CNTNAP2: variants seen among roughly 807,000 people sequenced by gnomAD.
CNTNAP2 encodes the protein contactin-associated protein-like 2.
In CNTNAP2, 98 loss-of-function variants were observed where a neutral mutation model predicts 155.2. That is an observed-to-expected ratio of 0.63 (90% CI 0.54 to 0.75). The LOEUF is 0.75. Among genes scored for constraint, CNTNAP2 ranks in the 30% least tolerant of loss-of-function variants. CNTNAP2 has a pLI of 0.00. For synonymous variants in CNTNAP2, 651 were observed against 631.2 expected (o/e 1.03, Z -0.47); for missense variants, 1,727 against 1,688.1 (o/e 1.02, Z -0.40).
intron 20 of CNTNAP2, among the ~76,000 whole-genome samples, chr7:148,250,460 G>C (rs1176018008): frequency 6.6e-6 from 1 of 152,162 alleles, no homozygotes; most frequent in Non-Finnish European, 1.5e-5. Flanking sequence ...GCACCTTATG[G>C]GCACTTGACA....
intron 16 of CNTNAP2, among the ~76,000 whole-genome samples, chr7:148,136,041 GAGGGAGGGGA>G (rs1804940669): frequency 1.2e-5 from 1 of 80,772 alleles, no homozygotes; most frequent in African/African-American, 5.8e-5. Context: ...GGGAGGGAGG[GAGGGAGGGGA>G]AGGGAAGGGA....
At chr7:146,879,657 C>T (rs965810007) in intron 3 of CNTNAP2, among the ~76,000 whole-genome samples, 1 of 151,990 alleles carries the variant, frequency 6.6e-6, no homozygotes, top group African/African-American at 2.4e-5. Context: ...GGTCCAGAAC[C>T]TGGCAGGGAC....
intron 1 of CNTNAP2, among the ~76,000 whole-genome samples, chr7:146,475,940 G>T (rs1201078946): frequency 6.6e-6 from 1 of 151,986 alleles, no homozygotes; most frequent in Admixed American, 6.6e-5. Flanking sequence ...TTTTATGTTG[G>T]GAAATTAAAA....
At chr7:146,557,617 G>A (rs1481149716) in intron 1 of CNTNAP2, among the ~76,000 whole-genome samples, 1 of 151,322 alleles carries the variant, frequency 6.6e-6, no homozygotes, top group Non-Finnish European at 1.5e-5. Context: ...ATTTCCATTG[G>A]CTCAAATCAG....
intron 11 of CNTNAP2, among the ~76,000 whole-genome samples, chr7:147,503,783 T>A (rs1030512063): frequency 6.6e-6 from 1 of 152,142 alleles, no homozygotes; most frequent in African/African-American, 2.4e-5. Flanking sequence ...TACCCACAGT[T>A]TTTTCTCCCA....
chr7:146,502,591 G>C (rs1337339538), intron 1 of CNTNAP2, among the ~76,000 whole-genome samples: 1 of 151,926 alleles, frequency 6.6e-6, no homozygotes, highest in Non-Finnish European at 1.5e-5. Flanking sequence ...TAAGTGGAGT[G>C]AGATGATATT....
intron 9 of CNTNAP2, among the ~76,000 whole-genome samples, chr7:147,317,431 C>A (rs895150618): frequency 1.3e-5 from 2 of 152,242 alleles, no homozygotes; most frequent in Non-Finnish European, 2.9e-5. Context: ...ACACATCATT[C>A]ATCCTCACCC....
chr7:147,611,079 T>C (rs1265270320), intron 12 of CNTNAP2, among the ~76,000 whole-genome samples: 2 of 127,466 alleles, frequency 1.6e-5, no homozygotes, highest in Admixed American at 1.7e-4. Context: ...CAGTGTGGTG[T>C]AGTAGATATT....
At chr7:147,307,590 GC>G (rs5888248) in intron 9 of CNTNAP2, among the ~76,000 whole-genome samples, 5 of 151,720 alleles carry the variant, frequency 3.3e-5, no homozygotes, top group Middle Eastern at 3.2e-3. Context: ...TACCCCACCT[GC>G]CCCCCCAAAA....
intron 17 of CNTNAP2, among the ~76,000 whole-genome samples, chr7:148,148,084 A>G (rs1022341435): frequency 2.7e-5 from 4 of 147,064 alleles, no homozygotes; most frequent in Non-Finnish European, 6.0e-5. Context: ...GGAAGGAAGG[A>G]AGGGAGAGAG....
intron 11 of CNTNAP2, among the ~76,000 whole-genome samples, chr7:147,538,542 C>T (rs750883271): frequency 5.9e-5 from 9 of 151,882 alleles, no homozygotes; most frequent in African/African-American, 1.2e-4. Flanking sequence ...CCCAACTACT[C>T]GGGAGGCTGA....
intron 4 of CNTNAP2, among the ~76,000 whole-genome samples, chr7:147,057,037 C>T (rs530403905): frequency 1.3e-5 from 2 of 152,080 alleles, no homozygotes; most frequent in African/African-American, 4.8e-5. Context: ...TGGGCTTAAG[C>T]AATCCTTCTA....
At chr7:146,208,057 C>T (rs551518350) in intron 1 of CNTNAP2, among the ~76,000 whole-genome samples, 1 of 151,924 alleles carries the variant, frequency 6.6e-6, no homozygotes, top group Non-Finnish European at 1.5e-5. Flanking sequence ...TCAGTAAATA[C>T]ATAAGTAGGA....
At chr7:146,416,906 A>G (rs1210211109) in intron 1 of CNTNAP2, among the ~76,000 whole-genome samples, 6 of 152,150 alleles carry the variant, frequency 3.9e-5, no homozygotes, top group Admixed American at 3.3e-4. Context: ...CAATACAATA[A>G]TGTGCAACTC....
At chr7:146,532,454 T>C (rs1027209450) in intron 1 of CNTNAP2, among the ~76,000 whole-genome samples, 4 of 152,176 alleles carry the variant, frequency 2.6e-5, no homozygotes, top group Non-Finnish European at 4.4e-5. Context: ...TTTTTTTCTT[T>C]CCTTCCCACT....
In CNTNAP2 at chr7:146,550,407, T is replaced by TG. The variant is rs1798099328; in HGVS notation, c.98-223864_98-223863insG. Among the ~76,000 whole-genome samples, 6 of 107,026 alleles carry TG rather than the reference T, an allele frequency of 5.6e-5. No individual in the cohort carries two copies. The South Asian group carries it at 2.0e-3, about 35-fold the overall frequency. 70.2% of individuals were successfully genotyped at this position (107,026 alleles called of 152,430 possible). A position where few individuals can be genotyped will look rare whatever the true frequency, so the allele number is the denominator to read the frequency against. On this transcript the variant is annotated intron_variant, in intron 1 of 23. Coordinates refer to ENST00000361727, the MANE Select transcript of CNTNAP2 (RefSeq NM_014141.6). Reference sequence around the variant, plus strand: ...CAGTGAGGTCCATTAATCTGTTTTTTTTTTTTTTTTTTTTTTTTTTTTATA... The same window carrying TG: ...CAGTGAGGTCCATTAATCTGTTTTTTGTTTTTTTTTTTTTTTTTTTTTTATA...
intron 9 of CNTNAP2, among the ~76,000 whole-genome samples, chr7:147,333,654 T>A (rs1215580419): frequency 6.6e-6 from 1 of 152,200 alleles, no homozygotes; most frequent in African/African-American, 2.4e-5. Flanking sequence ...AGTTTTCATA[T>A]TTTTAATAAT....
intron 13 of CNTNAP2, among the ~76,000 whole-genome samples, chr7:147,687,077 T>C (rs574448582): frequency 5.9e-5 from 9 of 152,238 alleles, no homozygotes; most frequent in African/African-American, 2.2e-4. Context: ...CTGATTAACC[T>C]GATTTGACCT....
At chr7:148,199,926 G>T (rs1241821459) in intron 18 of CNTNAP2, among the ~76,000 whole-genome samples, 2 of 152,198 alleles carry the variant, frequency 1.3e-5, no homozygotes, top group African/African-American at 4.8e-5. Flanking sequence ...GGGACAACTG[G>T]TGTGAGTCCT....
Sources: allele counts gnomAD v4.1 joint callset (sites outside exome capture counted in the v4.1 genomes callset), GRCh38; gene constraint gnomAD v4.1.1; transcripts MANE v1.5; gene names NCBI Gene and HGNC (gene_info 2026-07-23, HGNC 2026-07-21).